The following UBE2D2 variants were observed in gnomAD, a reference collection of about 807,000 sequenced individuals.
UBE2D2 encodes ubiquitin-conjugating enzyme E2 D2.
Under a neutral mutation model 24.2 loss-of-function variants are expected in UBE2D2, and 2 were observed. The observed-to-expected ratio is 0.08, with a 90% CI of 0.03 to 0.26. The LOEUF (loss-of-function observed/expected upper bound fraction) is 0.26, where lower values mean the gene tolerates loss of function less well. Ranked by LOEUF, UBE2D2 falls within the 10% of genes least tolerant of loss-of-function variation. The pLI is 1.00. For synonymous variants in UBE2D2, 58 were observed against 56.5 expected (o/e 1.03, Z -0.12); for missense variants, 44 against 177.6 (o/e 0.25, Z 4.28).
intron 5 of UBE2D2, among the ~76,000 whole-genome samples, chr5:139,615,559 T>G (rs1227541545): frequency 6.6e-6 from 1 of 152,134 alleles, no homozygotes; most frequent in Non-Finnish European, 1.5e-5. Context: ...TAACATCTCT[T>G]CCAACCTTGA....
upstream of UBE2D2, among the ~76,000 whole-genome samples, chr5:139,560,003 C>T (rs1483871150): frequency 6.6e-6 from 1 of 151,172 alleles, no homozygotes; most frequent in East Asian, 1.9e-4. Flanking sequence ...TTTCAGCGGA[C>T]CCTCCTGATG....
At chr5:139,623,311 TTC>T in intron 5 of UBE2D2, 55 bp from the exon 6 acceptor site, 1 of 1,325,836 alleles carries the variant, frequency 7.5e-7, no homozygotes, top group Non-Finnish European at 1.0e-6. Context: ...CGTCTCATGT[TTC>T]TCTCAACCCT....
At chr5:139,572,656 T>G (rs1415971667) in intron 1 of UBE2D2, among the ~76,000 whole-genome samples, 3 of 151,348 alleles carry the variant, frequency 2.0e-5, no homozygotes, top group African/African-American at 7.3e-5. Context: ...TCTTTTTTTT[T>G]TTTTTTTGAG....
intron 1 of UBE2D2, among the ~76,000 whole-genome samples, chr5:139,589,554 T>C (rs1011873848): frequency 6.6e-6 from 1 of 152,016 alleles, no homozygotes; most frequent in Non-Finnish European, 1.5e-5. Context: ...CTCAAAAAAA[T>C]AGCCAAAAAA....
chr5:139,614,511 G>T, intron 2 of UBE2D2, 75 bp from the exon 3 acceptor site: 1 of 1,513,550 alleles, frequency 6.6e-7, no homozygotes, highest in Non-Finnish European at 9.1e-7. Context: ...GATTAGAAGG[G>T]GAATGATATG....
At chr5:139,602,749 A>G (rs1754109826) in intron 2 of UBE2D2, among the ~76,000 whole-genome samples, 1 of 152,194 alleles carries the variant, frequency 6.6e-6, no homozygotes, top group Non-Finnish European at 1.5e-5. Flanking sequence ...ATCCTGAAGA[A>G]TCAAAGCAAG....
At chr5:139,571,774 CCTCACTTCCTCCTTCCCTCA>C (rs1350769748) in intron 1 of UBE2D2, among the ~76,000 whole-genome samples, 3 of 151,328 alleles carry the variant, frequency 2.0e-5, no homozygotes, top group Non-Finnish European at 4.4e-5. Flanking sequence ...TCCCTCCCTC[CCTCACTTCCTCCTTCCCTCA>C]CTCACTTCCT....
intron 1 of UBE2D2, among the ~76,000 whole-genome samples, chr5:139,586,110 A>C (rs371499139): frequency 1.3e-5 from 2 of 151,998 alleles, no homozygotes; most frequent in African/African-American, 2.4e-5. Flanking sequence ...TATTCTTTTT[A>C]ATTGCAAATG....
chr5:139,606,147 C>A (rs1382322168), intron 2 of UBE2D2, among the ~76,000 whole-genome samples: 1 of 151,738 alleles, frequency 6.6e-6, no homozygotes, highest in Non-Finnish European at 1.5e-5. Context: ...TTCTCACTGT[C>A]CCCTGCTGTT....
intron 5 of UBE2D2, among the ~76,000 whole-genome samples, chr5:139,618,109 G>A (rs1754452278): frequency 6.6e-6 from 1 of 152,030 alleles, no homozygotes; most frequent in South Asian, 2.1e-4. Context: ...GAGCAGCTGG[G>A]ATTATAGGGC....
At chr5:139,625,276 GTTTTTTTTTT>G (rs535886136) in intron 6 of UBE2D2, among the ~76,000 whole-genome samples, 1 of 84,990 alleles carries the variant, frequency 1.2e-5, no homozygotes, top group African/African-American at 4.8e-5. Flanking sequence ...TGGCTAATTT[GTTTTTTTTTT>G]TTTTTTTTTG....
chr5:139,575,418 TTCA>T lies in UBE2D2; in HGVS notation c.24+13606_24+13608del, dbSNP rs547601158. On this transcript the variant is annotated intron_variant, in intron 1 of 6. Transcript: ENST00000398733. ...TGTTAAATATATGTTTCACTTTTACTTCATCGTCACCCCAAGCAAAAAAAGAAA... is the reference window on the plus strand; with the variant it reads ...TGTTAAATATATGTTTCACTTTTACTTCGTCACCCCAAGCAAAAAAAGAAA... Among the ~76,000 whole-genome samples the T allele has an allele frequency of 4.3e-3, 650 of 152,286 alleles. 3 individuals carry two copies. Among genetic ancestry groups the T allele is most frequent in the African/African-American group, 0.015 (608 of 41,570 alleles).
At chr5:139,557,783 G>GC (rs1436820188), upstream of UBE2D2, among the ~76,000 whole-genome samples, 13 of 152,094 alleles carry the variant, frequency 8.5e-5, no homozygotes, top group Admixed American at 8.5e-4. Context: ...TATCCCTCAT[G>GC]AACACAGATG....
intron 1 of UBE2D2, among the ~76,000 whole-genome samples, chr5:139,531,653 GAAAGA>G (rs1352961974): frequency 6.7e-6 from 1 of 150,174 alleles, no homozygotes; most frequent in Non-Finnish European, 1.5e-5. Context: ...GAAAAAGAAA[GAAAGA>G]AAAGAAAAGA....
chr5:139,539,113 C>T (rs568762296), intron 1 of UBE2D2, among the ~76,000 whole-genome samples: 64 of 152,074 alleles, frequency 4.2e-4, no homozygotes, highest in Admixed American at 8.5e-4. Context: ...CAACCTCCAC[C>T]TCCCGGGTTC....
rs1554076781 is a variant in UBE2D2, at chr5:139,561,550, T to TGGCGGCTAGGGCGGCGGC, written c.-240_-223dup. The TGGCGGCTAGGGCGGCGGC allele has an allele frequency of 9.6e-5, 40 of 416,172 alleles. No homozygotes were observed. In the East Asian group the frequency reaches 1.4e-3, roughly 14 times the overall value. 25.8% of individuals were successfully genotyped at this position (416,172 alleles called of 1,614,324 possible). A position where few individuals can be genotyped will look rare whatever the true frequency, so the allele number is the denominator to read the frequency against. On this transcript the variant is annotated 5_prime_UTR_variant, in exon 1 of 7. Coordinates refer to ENST00000398733, the MANE Select transcript of UBE2D2 (RefSeq NM_003339.3). Reference sequence around the variant, plus strand: ...GAGGCAGCTACGGCGGCGGCGGCGGTGGCGGCTAGGGCGGCGGCGAATAAA... The same window carrying TGGCGGCTAGGGCGGCGGC: ...GAGGCAGCTACGGCGGCGGCGGCGGTGGCGGCTAGGGCGGCGGCGGCGGCTAGGGCGGCGGCGAATAAA...
chr5:139,535,383 G>T (rs1403611962), intron 1 of UBE2D2, among the ~76,000 whole-genome samples: 6 of 152,086 alleles, frequency 3.9e-5, no homozygotes, highest in African/African-American at 1.4e-4. Flanking sequence ...TTGAACCTGG[G>T]AGGCAGAGGT....
chr5:139,544,134 G>A (rs1752790787), intron 1 of UBE2D2, among the ~76,000 whole-genome samples: 1 of 150,460 alleles, frequency 6.6e-6, no homozygotes, highest in South Asian at 2.1e-4. Flanking sequence ...TTAAAAATGT[G>A]TTACTCATCT....
chr5:139,570,657 G>A (rs761082433), intron 1 of UBE2D2, among the ~76,000 whole-genome samples: 15 of 152,078 alleles, frequency 9.9e-5, no homozygotes, highest in Non-Finnish European at 1.2e-4. Context: ...GACTACAGGC[G>A]CGTGCCATGA....
Sources: allele counts gnomAD v4.1 joint callset (sites outside exome capture counted in the v4.1 genomes callset), GRCh38; gene constraint gnomAD v4.1.1; transcripts MANE v1.5; gene names NCBI Gene and HGNC (gene_info 2026-07-23, HGNC 2026-07-21).